The following PCDHGB5 variants were observed in gnomAD, a reference collection of about 807,000 sequenced individuals.
PCDHGB5 encodes the protein protocadherin gamma subfamily B, 5.
PCDHGB5 carries 48 observed loss-of-function variants against 62.9 expected under a neutral mutation model. That is an observed-to-expected ratio of 0.76 (90% confidence interval 0.61 to 0.97). The LOEUF is 0.97. PCDHGB5 is among the 50% of genes least tolerant of loss of function. The probability of loss-of-function intolerance (pLI) is 0.00; values close to 1 mark genes in which losing one functional copy is unlikely to be tolerated. For missense variants in PCDHGB5, 1,118 were observed against 1,198.6 expected, an observed-to-expected ratio of 0.93 and a Z score of 0.99; for synonymous variants, 474 against 511.2, an observed-to-expected ratio of 0.93 and a Z score of 0.98.
Position 141,398,594 on chromosome 5 carries a change from T to C in PCDHGB5, c.467T>C (p.Val156Ala). The change falls in exon 1 of 4, where the codon GTA (valine) becomes GCA (alanine). Residue 156 changes from valine (V) to alanine (A), a missense_variant. Physicochemically the swap from Val to Ala is moderately conservative, Grantham distance 64. Transcript: ENST00000617380. Reference sequence around the variant, plus strand: ...CCTGGCACAAGATTTATACTAGAAGTAGCAGAAGATGCAGATATTGGCTTA... The same window carrying C: ...CCTGGCACAAGATTTATACTAGAAGCAGCAGAAGATGCAGATATTGGCTTA... ...AQPGTRFILE[V>A]AEDADIGLNS... The C allele has an allele frequency of 6.2e-7, 1 of 1,614,028 alleles. No individual in the cohort carries two copies. Among genetic ancestry groups the C allele is most frequent in the African/African-American group, 1.3e-5 (1 of 75,046 alleles).
intron 1 of PCDHGB5, among the ~76,000 whole-genome samples, chr5:141,438,497 T>C (rs1274742357): frequency 6.7e-6 from 1 of 149,116 alleles, no homozygotes; most frequent in African/African-American, 2.5e-5. Flanking sequence ...GAAAAAAGAA[T>C]CATAGTGCAA....
At chr5:141,428,187 C>A in intron 1 of PCDHGB5, 1 of 1,439,502 alleles carries the variant, frequency 6.9e-7, no homozygotes, top group Non-Finnish European at 9.6e-7. Flanking sequence ...GGACAGCCGC[C>A]GCTCTCTGCG....
At chr5:141,500,729 C>T (rs1434863449) in intron 2 of PCDHGB5, among the ~76,000 whole-genome samples, 2 of 152,130 alleles carry the variant, frequency 1.3e-5, no homozygotes, top group Non-Finnish European at 2.9e-5. Flanking sequence ...CCATGTCTTT[C>T]AAAATTCTTC....
In PCDHGB5 at chr5:141,423,512, C is replaced by T. The variant is rs765694240; in HGVS notation, c.2397+22988C>T. 55 of 1,613,552 alleles carry T rather than the reference C, an allele frequency of 3.4e-5. No individual in the cohort carries two copies. The highest frequency in any genetic ancestry group is 2.8e-4 in the African/African-American group (21 of 74,924). On this transcript the variant is annotated intron_variant, in intron 1 of 3. Coordinates refer to ENST00000617380, the MANE Select transcript of PCDHGB5 (RefSeq NM_018925.3). ...TATTCCCACGAGGTCTCTCTCATTGCGGACTCGCAGAAGAGTCACCTGATT... is the reference window on the plus strand; with the variant it reads ...TATTCCCACGAGGTCTCTCTCATTGTGGACTCGCAGAAGAGTCACCTGATT...
chr5:141,453,111 G>A (rs1040339344), intron 1 of PCDHGB5, among the ~76,000 whole-genome samples: 5 of 151,718 alleles, frequency 3.3e-5, no homozygotes, highest in Non-Finnish European at 5.9e-5. Flanking sequence ...TTTTTGTTTT[G>A]TTTTGTTTTG....
At chr5:141,428,407 T>C in intron 1 of PCDHGB5, 1 of 470,350 alleles carries the variant, frequency 2.1e-6, no homozygotes, top group South Asian at 2.0e-5. Context: ...CTGGGGTTGC[T>C]TTCACCCTGG....
chr5:141,404,195 G>A (rs1472875979), intron 1 of PCDHGB5: 1 of 1,613,400 alleles, frequency 6.2e-7, no homozygotes, highest in East Asian at 2.2e-5. Context: ...CCGAGAAAAA[G>A]CCTCAGAATA....
rs749494967 is a variant in PCDHGB5 at position 141,400,267 on chromosome 5, T to C, written c.2140T>C (p.Ser714Pro). 4 of 1,614,030 alleles carry C rather than the reference T, an allele frequency of 2.5e-6. No individual in the cohort carries two copies. Among genetic ancestry groups the C allele is most frequent in the Middle Eastern group, 1.6e-4 (1 of 6,062 alleles). The change falls in exon 1 of 4, where the codon TCC becomes CCC. Residue 714 changes from serine to proline, a missense_variant. Transcript: ENST00000617380. ...GGCCGTTGCCTTGCGCCTGCGACGC[T>C]CCTCCAGCCCTGCCGCCTGGAGCTG... ...ILAVALRLRR[S>P]SSPAAWSCFQ...
In PCDHGB5 at chr5:141,400,400, C is replaced by T. The variant is rs375490385; in HGVS notation, c.2273C>T (p.Thr758Met). The change falls in exon 1 of 4, where the codon ACG becomes ATG. Residue 758 changes from threonine (T) to methionine (M), a missense_variant. Thr to Met is a moderately conservative substitution (Grantham distance 81, BLOSUM62 -1). Coordinates refer to ENST00000617380, the MANE Select transcript of PCDHGB5 (RefSeq NM_018925.3). Reference protein sequence around the residue: ...YNLCVAHTGKTEFNFLKCSEQ... With the variant: ...YNLCVAHTGKMEFNFLKCSEQ... ...CTATGTGTTGCACATACAGGAAAGA[C>T]GGAGTTTAATTTCCTAAAATGTAGT... 65 of 1,614,000 alleles carry T rather than the reference C, an allele frequency of 4.0e-5. No individual in the cohort carries two copies. Among genetic ancestry groups the T allele is most frequent in the South Asian group, 3.8e-4 (35 of 91,078 alleles).
At chr5:141,421,977 G>A in intron 1 of PCDHGB5, 1 of 1,609,542 alleles carries the variant, frequency 6.2e-7, no homozygotes, top group Admixed American at 1.7e-5. Context: ...TATATCGCGT[G>A]AGTGTTCCAG....
rs376890554 is a variant in PCDHGB5 at position 141,408,250 on chromosome 5, G to A, written c.2397+7726G>A. 3.6e-4 allele frequency: 569 copies of A among 1,595,986 alleles called. 5 individuals are homozygous for A. The highest frequency in any genetic ancestry group is 1.7e-3 in the South Asian group (151 of 89,354). On this transcript the variant is annotated intron_variant, in intron 1 of 3. Coordinates refer to ENST00000617380, the MANE Select transcript of PCDHGB5 (RefSeq NM_018925.3). ...GGCGCCGGGCCGGCCCGCGGCAGGT[G>A]CTATTTCCTTTGCTGCTGCCTTTGT... is the stretch of plus-strand genomic sequence containing the variant.
rs1299162270 is a variant in PCDHGB5 at position 141,413,906 on chromosome 5, C to T, written c.2397+13382C>T. ...GTCTTCGATGCAAATGACAACGCGC[C>T]GGTCTTCACCTTGCCAGAATACCGA... On this transcript the variant is annotated intron_variant, in intron 1 of 3. Transcript: ENST00000617380. The T allele has an allele frequency of 1.9e-6, 3 of 1,613,190 alleles. No homozygotes were observed. The highest frequency in any genetic ancestry group is 1.7e-6 in the Non-Finnish European group (2 of 1,179,870).
At chr5:141,448,662 C>T (rs1242351797) in intron 1 of PCDHGB5, among the ~76,000 whole-genome samples, 1 of 151,980 alleles carries the variant, frequency 6.6e-6, no homozygotes, top group Non-Finnish European at 1.5e-5. Flanking sequence ...CCATATTGGC[C>T]GGGCGCGGTG....
chr5:141,416,478 C>T (rs1186938693), intron 1 of PCDHGB5: 4 of 151,994 alleles, frequency 2.6e-5, no homozygotes, highest in Non-Finnish European at 4.4e-5. Context: ...TACATGTTCC[C>T]GAGAACAGGA....
In PCDHGB5 at chr5:141,432,808, C is replaced by G. The variant is rs1473886709; in HGVS notation, c.2397+32284C>G. ...TCGGCAGCCTCGAGTCTCCAGCTAA[C>G]TCTGAAACCTCAGACCTCACTCTGT... is the stretch of plus-strand genomic sequence containing the variant. On this transcript the variant is annotated intron_variant, in intron 1 of 3. Coordinates refer to ENST00000617380, the MANE Select transcript of PCDHGB5 (RefSeq NM_018925.3). This position sits in a 1 kb window ranked among gnomAD's most constrained non-coding sequence, Gnocchi z 6.0. 2 of 1,613,486 alleles carry G rather than the reference C, an allele frequency of 1.2e-6. No individual in the cohort carries two copies. Among genetic ancestry groups the G allele is most frequent in the Non-Finnish European group, 1.7e-6 (2 of 1,180,008 alleles).
chr5:141,418,990 G>A (rs1029969170), intron 1 of PCDHGB5: 1 of 1,613,784 alleles, frequency 6.2e-7, no homozygotes, highest in African/African-American at 1.3e-5. Flanking sequence ...AAGACTCAGG[G>A]GAAAATGGGG....
Position 141,470,005 on chromosome 5 carries a change from T to A in PCDHGB5, c.2398-24802T>A, listed in dbSNP as rs189976589. Reference sequence around the variant, plus strand: ...AATTAGCTGGTCGTCGTGGCACGCCTGTAATCCCAGCTACTCGGGATGCTG... The same window carrying A: ...AATTAGCTGGTCGTCGTGGCACGCCAGTAATCCCAGCTACTCGGGATGCTG... On this transcript the variant is annotated intron_variant, in intron 1 of 3. Coordinates refer to ENST00000617380, the MANE Select transcript of PCDHGB5 (RefSeq NM_018925.3). 2.4e-4 allele frequency among the ~76,000 whole-genome samples: 37 copies of A among 152,254 alleles called. 2 individuals carry two copies. The highest frequency in any genetic ancestry group is 7.2e-4 in the Admixed American group (11 of 15,274).
At chr5:141,502,291 G>A (rs1346186675) in intron 2 of PCDHGB5, among the ~76,000 whole-genome samples, 1 of 151,370 alleles carries the variant, frequency 6.6e-6, no homozygotes, top group African/African-American at 2.5e-5. Context: ...GCATTTGGTT[G>A]TCACGTCTTT....
Position 141,400,542 on chromosome 5 carries a change from C to G in PCDHGB5, c.2397+18C>G, listed in dbSNP as rs373097307. On this transcript the variant is annotated intron_variant, in intron 1 of 3. Transcript: ENST00000617380. ...CTGAGTTGGTGAGTTTCATTTATGT[C>G]TATTCTTTTTCATTACCCACCCAAT... 5.6e-6 allele frequency: 9 copies of G among 1,613,628 alleles called. No individual in the cohort carries two copies. In the African/African-American group the frequency reaches 8.0e-5, roughly 14 times the overall value.
Sources: gnomAD v4.1 joint callset for allele counts (sites outside exome capture counted in the v4.1 genomes callset) on GRCh38, gnomAD v4.1.1 for gene constraint, Gnocchi (gnomAD v3.1) non-coding constraint, MANE v1.5 for transcripts, NCBI Gene and HGNC (gene_info 2026-07-23, HGNC 2026-07-21) for gene names.